DDX60: variants seen among roughly 807,000 people sequenced by gnomAD.
The protein encoded by DDX60 is probable ATP-dependent RNA helicase DDX60.
DDX60 carries 165 observed loss-of-function variants against 212.8 expected under a neutral mutation model. The ratio of observed to expected loss-of-function variants is 0.78; its 90% CI spans 0.68 to 0.88. The LOEUF is 0.88. Ranked by LOEUF, DDX60 falls within the 40% of genes least tolerant of loss-of-function variation. The pLI is 0.00. For missense variants in DDX60, 1,905 were observed against 2,003.9 expected, an observed-to-expected ratio of 0.95 and a Z score of 0.94; for synonymous variants, 703 against 685.3, an observed-to-expected ratio of 1.03 and a Z score of -0.40.
At chr4:168,218,091 C>T (rs1578958958) in intron 37 of DDX60, among the ~76,000 whole-genome samples, 2 of 152,098 alleles carry the variant, frequency 1.3e-5, no homozygotes, top group African/African-American at 4.8e-5. Context: ...ATCTTATCAG[C>T]CTTTTATTAT....
intron 20 of DDX60, among the ~76,000 whole-genome samples, chr4:168,268,438 T>C (rs1734944164): frequency 1.3e-5 from 2 of 152,158 alleles, no homozygotes; most frequent in South Asian, 2.1e-4. Context: ...AATGACAAGA[T>C]AAAATGGGGT....
rs772830257 is a variant in DDX60, at chr4:168,221,863, C to T, written c.4843G>A (p.Gly1615Ser). The T allele has an allele frequency of 3.2e-5, 51 of 1,612,230 alleles. No homozygotes were observed. The highest frequency in any genetic ancestry group is 4.0e-5 in the Non-Finnish European group (47 of 1,178,986). The change falls in exon 36 of 38, where the codon GGT becomes AGT. Residue 1615 changes from glycine (G) to serine (S), a missense_variant. Physicochemically the swap from Gly to Ser is moderately conservative, Grantham distance 56 (BLOSUM62 0). Coordinates refer to ENST00000393743, the MANE Select transcript of DDX60 (RefSeq NM_017631.6). ...ACTGGAGCCTGAGAGCGATTGACAC[C>T]GATTGTGCCTAGAGTAACCTGAAAA... ...TPNHVTLGTI[G>S]VNRSQAPVLL...
rs1309191746 is a variant in DDX60, at chr4:168,287,137, T to C, written c.1250A>G (p.Lys417Arg). 1 of 1,612,212 alleles carries C rather than the reference T, an allele frequency of 6.2e-7. No homozygotes were observed. The highest frequency in any genetic ancestry group is 2.2e-5 in the East Asian group (1 of 44,740). Residue 417 changes from lysine (K) to arginine (R), a missense_variant, in exon 10 of 38, where the codon AAG becomes AGG. Physicochemically the swap from Lys to Arg is conservative, Grantham distance 26. Coordinates refer to ENST00000393743, the MANE Select transcript of DDX60 (RefSeq NM_017631.6). ...DYEYLWNTVS[K>R]LVRDFEVGQP... ...TCCAACCTCAAAGTCTCTGACCAAC[T>C]TTGATACGGTATTCCAGAGATATTC... is the stretch of plus-strand genomic sequence containing the variant.
chr4:168,311,366 C>T lies in DDX60; in HGVS notation c.-106-1G>A, dbSNP rs1406500609. Reference sequence around the variant, plus strand: ...GCAGTTCTTAATGAAAATGGCAGTCCTGCAAAAAAAGAAAAGAAAATGAGT... The same window carrying T: ...GCAGTTCTTAATGAAAATGGCAGTCTTGCAAAAAAAGAAAAGAAAATGAGT... On this transcript the variant is annotated splice_acceptor_variant, in intron 1 of 37. Transcript: ENST00000393743. LOFTEE classifies it low-confidence loss of function (5UTR_SPLICE). 2 of 1,201,946 alleles carry T rather than the reference C, an allele frequency of 1.7e-6. No individual in the cohort carries two copies. The highest frequency in any genetic ancestry group is 2.4e-6 in the Non-Finnish European group (2 of 838,650). The allele number at this position is 1,201,946 out of a possible 1,614,324, so 74.5% of individuals were successfully genotyped here. A position where few individuals can be genotyped will look rare whatever the true frequency, so the allele number is the denominator to read the frequency against.
chr4:168,225,288 C>G (rs564984954), intron 34 of DDX60, among the ~76,000 whole-genome samples: 1 of 152,136 alleles, frequency 6.6e-6, no homozygotes, highest in African/African-American at 2.4e-5. Context: ...ACTCAGTTTT[C>G]CAGGCTTGAC....
chr4:168,294,491 T>C (rs1007023642), intron 6 of DDX60, among the ~76,000 whole-genome samples: 115 of 151,766 alleles, frequency 7.6e-4, no homozygotes, highest in African/African-American at 2.6e-3. Context: ...CATTTATTTA[T>C]TTATTTATTT....
In DDX60 at chr4:168,272,154, T is replaced by C. The variant is rs1194379601; in HGVS notation, c.2575-16A>G. 2.6e-6 allele frequency: 4 copies of C among 1,550,362 alleles called. No individual in the cohort carries two copies. The highest frequency in any genetic ancestry group is 3.5e-6 in the Non-Finnish European group (4 of 1,141,884). On this transcript the variant is annotated splice_polypyrimidine_tract_variant and intron_variant, in intron 18 of 37. Coordinates refer to ENST00000393743, the MANE Select transcript of DDX60 (RefSeq NM_017631.6). ...TAATAAGTACCTACAAAGAATAATA[T>C]TGTGTGAAGTAACATTTTGAGCACT...
chr4:168,249,177 T>A (rs1734129549), intron 28 of DDX60, among the ~76,000 whole-genome samples: 1 of 152,252 alleles, frequency 6.6e-6, no homozygotes, highest in African/African-American at 2.4e-5. Context: ...TTGTTGAGAT[T>A]ATGCCTATGG....
intron 35 of DDX60, among the ~76,000 whole-genome samples, chr4:168,223,837 G>C (rs1733150564): frequency 6.6e-6 from 1 of 151,982 alleles, no homozygotes; most frequent in East Asian, 1.9e-4. Context: ...AAATGAATTA[G>C]CCAGGATCTT....
At chr4:168,269,773 C>T (rs991850834) in intron 19 of DDX60, among the ~76,000 whole-genome samples, 1 of 152,134 alleles carries the variant, frequency 6.6e-6, no homozygotes, top group Non-Finnish European at 1.5e-5. Flanking sequence ...CCACTGTCTC[C>T]ACCTTTACTA....
intron 33 of DDX60, among the ~76,000 whole-genome samples, chr4:168,235,067 G>A (rs1013669719): frequency 2.0e-5 from 3 of 152,044 alleles, no homozygotes; most frequent in African/African-American, 4.8e-5. Flanking sequence ...AGATGGCTTC[G>A]AAAATGTCTT....
chr4:168,277,334 T>A (rs894344056), intron 14 of DDX60, among the ~76,000 whole-genome samples: 3 of 152,198 alleles, frequency 2.0e-5, no homozygotes, highest in African/African-American at 7.2e-5. Context: ...TCTTCCTGGG[T>A]GCCTCATCGT....
chr4:168,311,265 C>T lies in DDX60; in HGVS notation c.-6G>A, dbSNP rs1251243119. 1 of 1,612,436 alleles carries T rather than the reference C, an allele frequency of 6.2e-7. No individual in the cohort carries two copies. The highest frequency in any genetic ancestry group is 8.5e-7 in the Non-Finnish European group (1 of 1,179,336). On this transcript the variant is annotated 5_prime_UTR_variant, in exon 2 of 38. Transcript: ENST00000393743. ...TTAAGTGGAAAATTACCCATTCTTG[C>T]TGCTGCCTGTGCCTCCAACCTGAAC...
At chr4:168,268,508 C>A (rs1230090279) in intron 20 of DDX60, among the ~76,000 whole-genome samples, 1 of 151,862 alleles carries the variant, frequency 6.6e-6, no homozygotes, top group Non-Finnish European at 1.5e-5. Flanking sequence ...GAAAATGGAC[C>A]ACAGGACCCA....
intron 25 of DDX60, among the ~76,000 whole-genome samples, chr4:168,260,032 TAAAG>T (rs373858612): frequency 2.2e-3 from 339 of 152,268 alleles, no homozygotes; most frequent in African/African-American, 7.3e-3. Context: ...GCAAACTAAA[TAAAG>T]AAGGTAATTC....
intron 12 of DDX60, 25 bp downstream of exon 12, chr4:168,284,795 A>T: frequency 8.7e-7 from 1 of 1,145,810 alleles, no homozygotes; most frequent in African/African-American, 1.5e-5. Context: ...ATTTAAATTT[A>T]TATCACTGGA....
chr4:168,237,224 T>C (rs1733659096), intron 32 of DDX60, 62 bp downstream of exon 32: 2 of 1,191,364 alleles, frequency 1.7e-6, no homozygotes, highest in Non-Finnish European at 2.2e-6. Flanking sequence ...GTTGTTTTTC[T>C]ACAAATCTGT....
In DDX60 at chr4:168,257,313, C is replaced by CA. The variant is rs201007972; in HGVS notation, c.3399-1445dup. Among the ~76,000 whole-genome samples, 1,148 of 142,632 alleles carry CA rather than the reference C, an allele frequency of 8.0e-3. 18 individuals carry two copies. Among genetic ancestry groups the CA allele is most frequent in the African/African-American group, 0.027 (1,070 of 38,956 alleles). 93.6% of individuals were successfully genotyped at this position (142,632 alleles called of 152,430 possible). ...GACAGAGTAAAACTCCATCGCCCTT[C>CA]AAAAAAAAAAAATTATACACAGTTG... is the stretch of plus-strand genomic sequence containing the variant. On this transcript the variant is annotated intron_variant, in intron 25 of 37. Transcript: ENST00000393743.
intron 37 of DDX60, among the ~76,000 whole-genome samples, chr4:168,218,292 G>C (rs1732922369): frequency 6.6e-6 from 1 of 152,000 alleles, no homozygotes; most frequent in South Asian, 2.1e-4. Flanking sequence ...ATAAATTCTA[G>C]CTCACTATTT....
Sources: gnomAD v4.1 joint callset for allele counts (sites outside exome capture counted in the v4.1 genomes callset) on GRCh38, gnomAD v4.1.1 for gene constraint, MANE v1.5 for transcripts, NCBI Gene and HGNC (gene_info 2026-07-23, HGNC 2026-07-21) for gene names.